The following KCNIP4 variants were observed in gnomAD, a reference collection of about 807,000 sequenced individuals.
KCNIP4 encodes Kv channel-interacting protein 4.
Under a neutral mutation model 34.0 loss-of-function variants are expected in KCNIP4, and 12 were observed. The ratio of observed to expected loss-of-function variants is 0.35; its 90% CI spans 0.23 to 0.57. The LOEUF (loss-of-function observed/expected upper bound fraction) is 0.57, where lower values mean the gene tolerates loss of function less well. Among genes scored for constraint, KCNIP4 ranks in the 20% least tolerant of loss-of-function variants. The pLI, the probability that KCNIP4 is intolerant of heterozygous loss-of-function variation, is 0.83. For synonymous variants in KCNIP4, 124 were observed against 102.2 expected, an observed-to-expected ratio of 1.21 and a Z score of -1.29; for missense variants, 238 against 311.7, an observed-to-expected ratio of 0.76 and a Z score of 1.78.
chr4:21,546,638 T>C (rs1022698463), intron 1 of KCNIP4, among the ~76,000 whole-genome samples: 1 of 152,194 alleles, frequency 6.6e-6, no homozygotes, highest in Non-Finnish European at 1.5e-5. Context: ...ATACTCATAC[T>C]AAATCTGAAT....
At chr4:20,925,685 T>C (rs1363019216) in intron 1 of KCNIP4, among the ~76,000 whole-genome samples, 1 of 152,102 alleles carries the variant, frequency 6.6e-6, no homozygotes, top group Non-Finnish European at 1.5e-5. Flanking sequence ...CCAAGAACCC[T>C]CTCTTGGGGT....
chr4:20,798,636 G>C (rs1176709506), intron 3 of KCNIP4, among the ~76,000 whole-genome samples: 1 of 152,098 alleles, frequency 6.6e-6, no homozygotes, highest in Non-Finnish European at 1.5e-5. Context: ...AAATCCTGTA[G>C]AGCATAGAAA....
At chr4:20,867,423 G>A (rs986808255) in intron 2 of KCNIP4, among the ~76,000 whole-genome samples, 1 of 152,020 alleles carries the variant, frequency 6.6e-6, no homozygotes, top group Non-Finnish European at 1.5e-5. Context: ...AAGCAATGAG[G>A]AAAGGACTCC....
intron 1 of KCNIP4, among the ~76,000 whole-genome samples, chr4:21,140,501 C>A (rs998853480): frequency 1.3e-5 from 2 of 152,104 alleles, no homozygotes; most frequent in Admixed American, 6.5e-5. Flanking sequence ...TAACGCACCT[C>A]CTCTGTGCCT....
intron 1 of KCNIP4, among the ~76,000 whole-genome samples, chr4:21,023,889 A>G (rs1270198047): frequency 3.3e-5 from 5 of 152,142 alleles, no homozygotes; most frequent in Admixed American, 3.3e-4. Context: ...CTGAAAAAAA[A>G]CGAAAAAAGA....
At chr4:21,029,982 C>G (rs1740870667) in intron 1 of KCNIP4, among the ~76,000 whole-genome samples, 1 of 152,060 alleles carries the variant, frequency 6.6e-6, no homozygotes, top group South Asian at 2.1e-4. Context: ...AAAAACAAAA[C>G]TTGGAGTTAT....
chr4:20,882,493 A>G (rs542596572), intron 2 of KCNIP4, 115 bp downstream of exon 2: 8 of 730,002 alleles, frequency 1.1e-5, no homozygotes, highest in African/African-American at 7.1e-5. Context: ...GAGTACATCA[A>G]TAGATTGCTT....
chr4:21,695,367 T>A (rs1422413322), intron 1 of KCNIP4, among the ~76,000 whole-genome samples: 1 of 152,004 alleles, frequency 6.6e-6, no homozygotes, highest in Non-Finnish European at 1.5e-5. Flanking sequence ...CATAAATCTA[T>A]GTTACTACTT....
rs1216389851 is a variant in KCNIP4 at position 20,883,171 on chromosome 4, A to G, written c.62-462T>C. Among the ~76,000 whole-genome samples the G allele has an allele frequency of 2.0e-5, 3 of 152,310 alleles. No homozygotes were observed. In the East Asian group the frequency reaches 5.8e-4, roughly 29 times the overall value. On this transcript the variant is annotated intron_variant, in intron 1 of 8. Coordinates refer to ENST00000382152, the MANE Select transcript of KCNIP4 (RefSeq NM_025221.6). The stretch of plus-strand genomic sequence containing the variant: ...TGATTATAGCAGAGATAGATGCTTC[A>G]CATAAATCATTCACACCACAATCAC...
At chr4:20,922,962 C>T (rs943590685) in intron 1 of KCNIP4, among the ~76,000 whole-genome samples, 29 of 151,274 alleles carry the variant, frequency 1.9e-4, no homozygotes, top group Admixed American at 1.3e-4. Flanking sequence ...CATGTGAGTA[C>T]GTGTGTGTGT....
intron 1 of KCNIP4, among the ~76,000 whole-genome samples, chr4:21,308,401 C>T (rs761282790): frequency 1.4e-4 from 22 of 152,160 alleles, no homozygotes; most frequent in Non-Finnish European, 8.8e-5. Context: ...TTTCTAAATA[C>T]CCCTCTTTGA....
chr4:21,174,669 G>T (rs1754265011), intron 1 of KCNIP4, among the ~76,000 whole-genome samples: 1 of 152,058 alleles, frequency 6.6e-6, no homozygotes, highest in Admixed American at 6.6e-5. Context: ...GGAGGCCGAG[G>T]TGGGCAGATC....
At chr4:21,331,776 A>C (rs1452429575) in intron 1 of KCNIP4, among the ~76,000 whole-genome samples, 2 of 152,020 alleles carry the variant, frequency 1.3e-5, no homozygotes, top group Non-Finnish European at 2.9e-5. Context: ...TTTTCCATGA[A>C]ATGTCTTCTA....
chr4:21,113,429 A>G (rs1362833508), intron 1 of KCNIP4, among the ~76,000 whole-genome samples: 1 of 142,444 alleles, frequency 7.0e-6, no homozygotes, highest in Non-Finnish European at 1.5e-5. Flanking sequence ...AATATAAAGG[A>G]GAGGTTGTGC....
intron 1 of KCNIP4, among the ~76,000 whole-genome samples, chr4:21,137,908 A>C (rs980575622): frequency 9.1e-6 from 1 of 110,050 alleles, no homozygotes; most frequent in South Asian, 2.8e-4. Context: ...GTCTTGCTCT[A>C]TTACCCAGGC....
chr4:20,917,142 A>T lies in KCNIP4; in HGVS notation c.62-34433T>A, dbSNP rs547302629. 9.5e-4 allele frequency among the ~76,000 whole-genome samples: 142 copies of T among 149,612 alleles called. 1 individual carries two copies. Among genetic ancestry groups the T allele is most frequent in the African/African-American group, 3.4e-3 (138 of 40,826 alleles). ...AACCTCTGACTCCCTGGTTCAAGCT[A>T]TTCTCCTGCCTCAGCCTCCCAAGTA... On this transcript the variant is annotated intron_variant, in intron 1 of 8. Coordinates refer to ENST00000382152, the MANE Select transcript of KCNIP4 (RefSeq NM_025221.6).
chr4:20,811,990 T>G (rs1715828303), intron 3 of KCNIP4, among the ~76,000 whole-genome samples: 1 of 152,182 alleles, frequency 6.6e-6, no homozygotes, highest in Admixed American at 6.5e-5. Flanking sequence ...GCCACTAAAT[T>G]AAATGACAGT....
chr4:21,826,662 T>C (rs1722695129), intron 1 of KCNIP4, among the ~76,000 whole-genome samples: 2 of 151,940 alleles, frequency 1.3e-5, no homozygotes, highest in Admixed American at 6.6e-5. Flanking sequence ...TAAAGACAAA[T>C]AAAAATTTGC....
At chr4:21,907,693 A>G (rs1213740162) in intron 1 of KCNIP4, among the ~76,000 whole-genome samples, 13 of 152,116 alleles carry the variant, frequency 8.5e-5, no homozygotes, top group Admixed American at 7.9e-4. Context: ...TGTTTCCCCA[A>G]TCCTCACCAA....
Sources: gnomAD v4.1 joint callset for allele counts (sites outside exome capture counted in the v4.1 genomes callset) on GRCh38, gnomAD v4.1.1 for gene constraint, MANE v1.5 for transcripts, NCBI Gene and HGNC (gene_info 2026-07-23, HGNC 2026-07-21) for gene names.